Variants in PCDHGB2 observed in about 807,000 individuals in gnomAD.
PCDHGB2 encodes protocadherin gamma subfamily B, 2, also known as protocadherin gamma-B2.
Under a neutral mutation model 59.3 loss-of-function variants are expected in PCDHGB2, and 55 were observed. That is an observed-to-expected ratio of 0.93 (90% CI 0.75 to 1.16). The LOEUF (loss-of-function observed/expected upper bound fraction) is 1.16, where lower values mean the gene tolerates loss of function less well. PCDHGB2 is among the 50% of genes most tolerant of loss of function. The pLI, the probability that PCDHGB2 is intolerant of heterozygous loss-of-function variation, is 0.00. For missense variants in PCDHGB2, 1,228 were observed against 1,198.5 expected (o/e 1.02, Z -0.36); for synonymous variants, 516 against 512.0 (o/e 1.01, Z -0.11).
At chr5:141,455,583 A>G (rs1485134189) in intron 1 of PCDHGB2, among the ~76,000 whole-genome samples, 4 of 152,144 alleles carry the variant, frequency 2.6e-5, no homozygotes, top group Non-Finnish European at 2.9e-5. Context: ...CCAGCCTTTT[A>G]ATATGCAAAC....
In PCDHGB2 at chr5:141,419,984, C is replaced by A. The variant is rs918632592; in HGVS notation, c.2421+57428C>A. ...TGTGCTCTTTCTCCTCGCGGTGATT[C>A]TAGCTATTGCTCTACGCCTGCGACA... On this transcript the variant is annotated intron_variant, in intron 1 of 3. Transcript: ENST00000522605. 27 of 1,613,962 alleles carry A rather than the reference C, an allele frequency of 1.7e-5. No individual in the cohort carries two copies. The highest frequency in any genetic ancestry group is 2.2e-5 in the Non-Finnish European group (26 of 1,179,912).
chr5:141,503,547 C>T (rs545918096), intron 2 of PCDHGB2, among the ~76,000 whole-genome samples: 22 of 147,734 alleles, frequency 1.5e-4, no homozygotes, highest in African/African-American at 4.8e-4. Flanking sequence ...TGCAGTGAGC[C>T]GAGATCGCGC....
chr5:141,360,619 G>A lies in PCDHGB2; in HGVS notation c.484G>A (p.Val162Ile). ...ACTTGACCCAGCCCTGGATTCAGAT[G>A]TTGGTCCTAACTCACTACAAAGATA... ...FPLDPALDSD[V>I]GPNSLQRYHL... The change falls in exon 1 of 4, where the codon GTT (valine) becomes ATT (isoleucine). Residue 162 changes from valine (V) to isoleucine (I), a missense_variant. By Grantham distance (29) the Val-to-Ile change is conservative. Transcript: ENST00000522605. 2 of 1,614,012 alleles carry A rather than the reference G, an allele frequency of 1.2e-6. No individual in the cohort carries two copies. The highest frequency in any genetic ancestry group is 2.2e-5 in the East Asian group (1 of 44,884).
chr5:141,389,847 A>T (rs541124715), intron 1 of PCDHGB2: 1 of 1,614,066 alleles, frequency 6.2e-7, no homozygotes, highest in African/African-American at 1.3e-5. Flanking sequence ...ACTCTCGGCC[A>T]CTGCCACGTT....
Position 141,361,952 on chromosome 5 carries a change from A to G in PCDHGB2, c.1817A>G (p.Tyr606Cys), listed in dbSNP as rs748413942. Residue 606 changes from tyrosine to cysteine, a missense_variant, in exon 1 of 4, where the codon TAC (tyrosine) becomes TGC (cysteine). Tyr to Cys is a radical substitution (Grantham distance 194). This residue lies in a region of PCDHGB2 where 433 missense variants were observed against 441.8 expected (regional missense o/e 0.98). Coordinates refer to ENST00000522605, the MANE Select transcript of PCDHGB2 (RefSeq NM_018923.3). ...TCAGGACACAACGCTTGGCTGTCCT[A>G]CCACGTGCTGCAGGCCAGCGAGCCC... is the stretch of plus-strand genomic sequence containing the variant. ...ADSGHNAWLSYHVLQASEPGL... is the reference protein window; with the variant it reads ...ADSGHNAWLSCHVLQASEPGL... 7 of 1,603,624 alleles carry G rather than the reference A, an allele frequency of 4.4e-6. No individual in the cohort carries two copies. Among genetic ancestry groups the G allele is most frequent in the East Asian group, 2.2e-5 (1 of 44,770 alleles).
intron 1 of PCDHGB2, among the ~76,000 whole-genome samples, chr5:141,463,810 A>G (rs1469182885): frequency 6.6e-6 from 1 of 152,178 alleles, no homozygotes; most frequent in Non-Finnish European, 1.5e-5. Context: ...AAAAGCTTTT[A>G]TCACACATTT....
At position 141,389,758 on chromosome 5, in the gene PCDHGB2, G is replaced by T. The variant is rs201153580; in HGVS notation, c.2421+27202G>T. On this transcript the variant is annotated intron_variant, in intron 1 of 3. Transcript: ENST00000522605. Reference sequence around the variant, plus strand: ...CTGGGGCTGCGCACGGGCGAAGTGCGCACAGCGCGTGCCTTAGGCGACAGG... The same window carrying T: ...CTGGGGCTGCGCACGGGCGAAGTGCTCACAGCGCGTGCCTTAGGCGACAGG... The T allele has an allele frequency of 1.4e-4, 224 of 1,612,792 alleles. No homozygotes were observed. The African/African-American group carries it at 2.7e-3, about 19-fold the overall frequency.
intron 1 of PCDHGB2, chr5:141,366,697 G>T (rs1220924698): frequency 1.2e-6 from 2 of 1,614,132 alleles, no homozygotes; most frequent in African/African-American, 2.7e-5. Flanking sequence ...AGAAAAGCGA[G>T]CCTCTTCTGA....
chr5:141,373,969 C>T, intron 1 of PCDHGB2: 2 of 1,010,234 alleles, frequency 2.0e-6, no homozygotes, highest in Non-Finnish European at 2.7e-6. Context: ...TGAAACGCTT[C>T]GCATCCGGTC....
intron 1 of PCDHGB2, among the ~76,000 whole-genome samples, chr5:141,472,980 C>CAAAAAAAAAAAAAAAAAGAAAAAAA (rs2099309731): frequency 1.2e-5 from 1 of 86,102 alleles, no homozygotes; most frequent in African/African-American, 3.9e-5. Flanking sequence ...GAGTGAAACT[C>CAAAAAAAAAAAAAAAAAGAAAAAAA]AAAAAAAAAA....
rs2099883748 is a variant in PCDHGB2 at position 141,511,359 on chromosome 5, T to A, written c.*186T>A. On this transcript the variant is annotated 3_prime_UTR_variant, in exon 4 of 4. Transcript: ENST00000522605. ...CACCTACCCCTTCCCCCCCAGGGGGTTGAATATGCAAAAGCAGTTCCGCTG... is the reference window on the plus strand; with the variant it reads ...CACCTACCCCTTCCCCCCCAGGGGGATGAATATGCAAAAGCAGTTCCGCTG... 2 of 1,339,338 alleles carry A rather than the reference T, an allele frequency of 1.5e-6. No individual in the cohort carries two copies. Among genetic ancestry groups the A allele is most frequent in the Non-Finnish European group, 2.0e-6 (2 of 1,000,492 alleles). The allele number at this position is 1,339,338 out of a possible 1,614,324, so 83.0% of individuals were successfully genotyped here. A position where few individuals can be genotyped will look rare whatever the true frequency, so the allele number is the denominator to read the frequency against.
intron 1 of PCDHGB2, chr5:141,421,807 G>C (rs1435916603): frequency 6.2e-7 from 1 of 1,613,852 alleles, no homozygotes; most frequent in Admixed American, 1.7e-5. Flanking sequence ...CAAGAATCCA[G>C]AGCTAGTACT....
At chr5:141,375,707 C>G in intron 1 of PCDHGB2, 1 of 1,614,264 alleles carries the variant, frequency 6.2e-7, no homozygotes, top group Non-Finnish European at 8.5e-7. Context: ...GGACCCGCCT[C>G]TTAGCAGCAA....
At chr5:141,478,598 A>C in intron 1 of PCDHGB2, 1 of 1,566,350 alleles carries the variant, frequency 6.4e-7, no homozygotes, top group South Asian at 1.2e-5. Flanking sequence ...TTATTCCTAC[A>C]TCATATTGAG....
chr5:141,508,045 T>A (rs985875804), intron 3 of PCDHGB2: 1 of 152,264 alleles, frequency 6.6e-6, no homozygotes, highest in Non-Finnish European at 1.5e-5. Flanking sequence ...GCCAGCTGTG[T>A]TCCAGCTAAT....
intron 1 of PCDHGB2, chr5:141,383,669 T>C (rs1208890643): frequency 1.2e-6 from 2 of 1,613,784 alleles, no homozygotes; most frequent in Non-Finnish European, 1.7e-6. Flanking sequence ...AATGTGCCAG[T>C]GGGTACAAGA....
chr5:141,478,139 G>C, intron 1 of PCDHGB2: 15 of 1,614,040 alleles, frequency 9.3e-6, no homozygotes, highest in Non-Finnish European at 1.3e-5. Context: ...TGAAGCCCGA[G>C]CCGAGTTCCC....
rs773474154 is a variant in PCDHGB2, at chr5:141,477,751, G to A, written c.2422-17056G>A. The A allele has an allele frequency of 5.0e-6, 8 of 1,613,712 alleles. No individual in the cohort carries two copies. The highest frequency in any genetic ancestry group is 6.8e-6 in the Non-Finnish European group (8 of 1,180,030). ...CTCATATCAGCGATGGGGGCACCCC[G>A]GTCCTAGCCACCAACATCAGCGTGA... On this transcript the variant is annotated intron_variant, in intron 1 of 3. Transcript: ENST00000522605. The surrounding 1 kb of genome is among the most constrained non-coding windows in gnomAD (Gnocchi z 4.9).
At position 141,418,763 on chromosome 5, in the gene PCDHGB2, C is replaced by G. The variant is rs914122527; in HGVS notation, c.2421+56207C>G. The stretch of plus-strand genomic sequence containing the variant: ...TCTGGATTACACTACAGGAAACATT[C>G]TAACTCAGCAGCCTTTGGATTTTGA... On this transcript the variant is annotated intron_variant, in intron 1 of 3. Coordinates refer to ENST00000522605, the MANE Select transcript of PCDHGB2 (RefSeq NM_018923.3). 5 of 1,613,728 alleles carry G rather than the reference C, an allele frequency of 3.1e-6. No homozygotes were observed. The Admixed American group carries it at 5.0e-5, about 16-fold the overall frequency.
Sources: gnomAD v4.1 joint callset for allele counts (sites outside exome capture counted in the v4.1 genomes callset) on GRCh38, gnomAD v4.1.1 for gene constraint, gnomAD v4.1.1 regional missense constraint, Gnocchi (gnomAD v3.1) non-coding constraint, MANE v1.5 for transcripts, NCBI Gene and HGNC (gene_info 2026-07-23, HGNC 2026-07-21) for gene names.